Variants in SLC6A13 observed in about 807,000 individuals in gnomAD.
The protein encoded by SLC6A13 is sodium- and chloride-dependent GABA transporter 2.
Under a neutral mutation model 72.9 loss-of-function variants are expected in SLC6A13, and 69 were observed. The ratio of observed to expected loss-of-function variants is 0.95; its 90% CI spans 0.78 to 1.16. The LOEUF (loss-of-function observed/expected upper bound fraction) is 1.16, where lower values mean the gene tolerates loss of function less well. Ranked by LOEUF, SLC6A13 falls within the 50% of genes most tolerant of loss-of-function variation. The probability of loss-of-function intolerance (pLI) is 0.00; values close to 1 mark genes in which losing one functional copy is unlikely to be tolerated. For missense variants in SLC6A13, 735 were observed against 760.5 expected, an observed-to-expected ratio of 0.97 and a Z score of 0.39; for synonymous variants, 303 against 303.0, an observed-to-expected ratio of 1.00 and a Z score of 0.00.
At position 237,916 on chromosome 12, in the gene SLC6A13, T is replaced by C. The variant is rs1400627805; in HGVS notation, c.563+10A>G. 3.7e-6 allele frequency: 6 copies of C among 1,604,036 alleles called. No homozygotes were observed. The highest frequency in any genetic ancestry group is 5.1e-6 in the Non-Finnish European group (6 of 1,170,940). ...ACGGCCCACAGTGGGTGGGGAAGGG[T>C]CTCACTTACTCCCAGAACTCGATGA... is the stretch of plus-strand genomic sequence containing the variant. On this transcript the variant is annotated intron_variant, in intron 5 of 14. Coordinates refer to ENST00000343164, the MANE Select transcript of SLC6A13 (RefSeq NM_016615.5).
rs775081621 is a variant in SLC6A13 at position 226,378 on chromosome 12, A to C, written c.1060+12T>G. The C allele has an allele frequency of 9.9e-6, 16 of 1,613,478 alleles. No homozygotes were observed. Among genetic ancestry groups the C allele is most frequent in the Non-Finnish European group, 1.4e-5 (16 of 1,179,640 alleles). On this transcript the variant is annotated intron_variant, in intron 9 of 14. Coordinates refer to ENST00000343164, the MANE Select transcript of SLC6A13 (RefSeq NM_016615.5). ...AGGCTCACTGCCTCCAGGCCTCCCCAGTAACACTCACCTGACTCGGCCACC... is the reference window on the plus strand; with the variant it reads ...AGGCTCACTGCCTCCAGGCCTCCCCCGTAACACTCACCTGACTCGGCCACC...
Position 223,149 on chromosome 12 carries a change from C to T in SLC6A13, c.1397G>A (p.Cys466Tyr). The T allele has an allele frequency of 6.2e-7, 1 of 1,612,678 alleles. No individual in the cohort carries two copies. Among genetic ancestry groups the T allele is most frequent in the African/African-American group, 1.3e-5 (1 of 75,024 alleles). Residue 466 changes from cysteine to tyrosine, a missense_variant, in exon 12 of 15, where the codon TGT (cysteine) becomes TAT (tyrosine). Cys to Tyr is a radical substitution (Grantham distance 194). Coordinates refer to ENST00000343164, the MANE Select transcript of SLC6A13 (RefSeq NM_016615.5). ...LLFVAIFESLCVAWVYGAKRF... is the reference protein window; with the variant it reads ...LLFVAIFESLYVAWVYGAKRF... ...TCACTCACCGTAAACCCAAGCCACA[C>T]AGAGGGACTCGAAGATGGCCACGAA...
At chr12:226,821 C>T (rs553741907) in intron 8 of SLC6A13, 1 of 274,278 alleles carries the variant, frequency 3.6e-6, no homozygotes, top group Admixed American at 4.8e-5. Context: ...CCCTCTCTAC[C>T]ACGTAGGTCC....
chr12:252,975 A>G (rs185188040), intron 2 of SLC6A13, among the ~76,000 whole-genome samples: 1 of 152,362 alleles, frequency 6.6e-6, no homozygotes, highest in East Asian at 1.9e-4. Flanking sequence ...CAAGGGGGCC[A>G]GGTACGGACT....
At chr12:246,066 C>T (rs1055333325) in intron 2 of SLC6A13, among the ~76,000 whole-genome samples, 9 of 151,392 alleles carry the variant, frequency 5.9e-5, no homozygotes, top group East Asian at 3.9e-4. Flanking sequence ...TGCAGTGAGC[C>T]GAGATTGTGC....
intron 9 of SLC6A13, 67 bp from the exon 10 acceptor site, chr12:224,580 G>A: frequency 7.7e-7 from 1 of 1,295,824 alleles, no homozygotes; most frequent in Non-Finnish European, 1.1e-6. Flanking sequence ...GTGACCCATG[G>A]CTTCCCAGCG....
At chr12:257,148 G>T (rs960610199) in intron 2 of SLC6A13, 11 of 152,004 alleles carry the variant, frequency 7.2e-5, no homozygotes, top group Admixed American at 7.2e-4. Context: ...TGCGTGGGAG[G>T]TGAGAGGAGT....
At chr12:239,857 G>T (rs1442781572) in intron 4 of SLC6A13, among the ~76,000 whole-genome samples, 1 of 152,250 alleles carries the variant, frequency 6.6e-6, no homozygotes, top group East Asian at 1.9e-4. Flanking sequence ...CATCTTGGCG[G>T]GACAGCGTGT....
rs1424408445 is a variant in SLC6A13 at position 235,133 on chromosome 12, T to G, written c.788A>C (p.Gln263Pro). Residue 263 changes from glutamine to proline, a missense_variant, in exon 7 of 15, where the codon CAG (glutamine) becomes CCG (proline). Transcript: ENST00000343164. ...VTLPGAAQGI[Q>P]FYLYPNLTRL... ...CGTGAGGTTTGGGTACAGGTAAAAC[T>G]GAATTCCTTGGGCTGCCCCAGGCAA... 6 of 1,614,238 alleles carry G rather than the reference T, an allele frequency of 3.7e-6. No individual in the cohort carries two copies. The East Asian group carries it at 6.7e-5, about 18-fold the overall frequency.
chr12:223,909 G>A, intron 11 of SLC6A13, 83 bp downstream of exon 11: 1 of 1,523,914 alleles, frequency 6.6e-7, no homozygotes, highest in South Asian at 1.1e-5. Context: ...CTGACCGGGA[G>A]CCAGGGTATC....
At chr12:243,897 C>G (rs892300044) in intron 2 of SLC6A13, 84 bp from the exon 3 acceptor site, 1 of 1,359,148 alleles carries the variant, frequency 7.4e-7, no homozygotes, top group African/African-American at 1.4e-5. Context: ...CCAACCCATA[C>G]TGCCAGTCAG....
At chr12:240,484 C>T (rs1476387303) in intron 4 of SLC6A13, among the ~76,000 whole-genome samples, 2 of 152,240 alleles carry the variant, frequency 1.3e-5, no homozygotes, top group African/African-American at 2.4e-5. Context: ...GGATTACAGG[C>T]GTGAGCCACC....
rs537079964 is a variant in SLC6A13 at position 221,302 on chromosome 12, C to T, written c.1686+74G>A. 9 of 1,459,244 alleles carry T rather than the reference C, an allele frequency of 6.2e-6. No homozygotes were observed. In the African/African-American group the frequency reaches 1.3e-4, roughly 21 times the overall value. The allele number at this position is 1,459,244 out of a possible 1,614,324, so 90.4% of individuals were successfully genotyped here. ...CTCCACACAACGGTGTGCGCCCTGG[C>T]TGGCAGCCCACCTGTCGGCACCTGC... On this transcript the variant is annotated intron_variant, in intron 14 of 14. Coordinates refer to ENST00000343164, the MANE Select transcript of SLC6A13 (RefSeq NM_016615.5).
At chr12:247,421 G>A (rs1420050775) in intron 2 of SLC6A13, among the ~76,000 whole-genome samples, 1 of 152,150 alleles carries the variant, frequency 6.6e-6, no homozygotes, top group Non-Finnish European at 1.5e-5. Context: ...AGAAGACAGT[G>A]ATAAGGAAGC....
At chr12:231,902 AGGTGAGT>A (rs1407572210) in intron 7 of SLC6A13, among the ~76,000 whole-genome samples, 5 of 152,236 alleles carry the variant, frequency 3.3e-5, no homozygotes, top group Admixed American at 3.3e-4. Context: ...AGAGAAACAA[AGGTGAGT>A]GGCCAGGGAC....
At chr12:236,123 C>A (rs1304491991) in intron 6 of SLC6A13, among the ~76,000 whole-genome samples, 1 of 152,120 alleles carries the variant, frequency 6.6e-6, no homozygotes, top group Non-Finnish European at 1.5e-5. Context: ...TTTGTTGGAC[C>A]CTTATTAGTA....
At chr12:245,994 T>C (rs1942334806) in intron 2 of SLC6A13, among the ~76,000 whole-genome samples, 1 of 151,680 alleles carries the variant, frequency 6.6e-6, no homozygotes, top group Non-Finnish European at 1.5e-5. Context: ...GGTGGGTGCC[T>C]ATAGTCCCAG....
intron 7 of SLC6A13, among the ~76,000 whole-genome samples, chr12:231,542 G>A (rs962518373): frequency 6.6e-6 from 1 of 152,062 alleles, no homozygotes; most frequent in Non-Finnish European, 1.5e-5. Context: ...ATGAGACTTG[G>A]ACCAGGCAGA....
chr12:243,834 G>A (rs1242845260), intron 2 of SLC6A13, 21 bp from the exon 3 acceptor site: 1 of 1,611,102 alleles, frequency 6.2e-7, no homozygotes, highest in African/African-American at 1.3e-5. Context: ...AAAACAGGCT[G>A]TTCATTTCCT....
Sources: gnomAD v4.1 joint callset for allele counts (sites outside exome capture counted in the v4.1 genomes callset) on GRCh38, gnomAD v4.1.1 for gene constraint, MANE v1.5 for transcripts, NCBI Gene and HGNC (gene_info 2026-07-23, HGNC 2026-07-21) for gene names.